CACNA2D1: variants seen among roughly 807,000 people sequenced by gnomAD.
CACNA2D1 encodes the protein calcium voltage-gated channel auxiliary subunit alpha2delta 1.
CACNA2D1 carries 53 observed loss-of-function variants against 171.5 expected under a neutral mutation model. That is an observed-to-expected ratio of 0.31 (90% CI 0.25 to 0.39). The LOEUF is 0.39. Among genes scored for constraint, CACNA2D1 ranks in the 10% least tolerant of loss-of-function variants. The pLI is 1.00. For synonymous variants in CACNA2D1, 442 were observed against 443.1 expected (o/e 1.00, Z 0.03); for missense variants, 903 against 1,299.8 (o/e 0.69, Z 4.69).
chr7:81,971,014 G>A (rs1022766962), intron 26 of CACNA2D1: 2 of 427,774 alleles, frequency 4.7e-6, no homozygotes, highest in African/African-American at 2.0e-5. Context: ...CACTTGTAGA[G>A]AGGAATGTAT....
intron 6 of CACNA2D1, among the ~76,000 whole-genome samples, chr7:82,094,044 G>A (rs1345965985): frequency 6.6e-6 from 1 of 152,056 alleles, no homozygotes; most frequent in African/African-American, 2.4e-5. Flanking sequence ...AGGCTCCTGG[G>A]GACAAGGGTG....
chr7:81,952,652 C>G (rs1199097336), intron 38 of CACNA2D1, among the ~76,000 whole-genome samples: 1 of 152,040 alleles, frequency 6.6e-6, no homozygotes, highest in Non-Finnish European at 1.5e-5. Context: ...CTCTCCTTGG[C>G]TTGACCTCCT....
chr7:82,064,216 C>G, intron 9 of CACNA2D1, 88 bp downstream of exon 9: 2 of 867,586 alleles, frequency 2.3e-6, no homozygotes, highest in Non-Finnish European at 3.8e-6. Context: ...TTTAACCTAT[C>G]AAACCTTTCT....
intron 3 of CACNA2D1, among the ~76,000 whole-genome samples, chr7:82,318,293 A>G (rs926197769): frequency 3.9e-5 from 6 of 152,134 alleles, no homozygotes; most frequent in African/African-American, 1.4e-4. Context: ...TATTCTAATT[A>G]ATTTTGATCT....
chr7:82,200,684 C>T (rs1799323358), intron 3 of CACNA2D1, among the ~76,000 whole-genome samples: 1 of 151,860 alleles, frequency 6.6e-6, no homozygotes, highest in South Asian at 2.1e-4. Flanking sequence ...ATTTTGTGAA[C>T]ACACCCTATT....
intron 4 of CACNA2D1, among the ~76,000 whole-genome samples, chr7:82,154,542 T>C (rs555436423): frequency 2.0e-5 from 3 of 152,244 alleles, no homozygotes; most frequent in South Asian, 2.1e-4. Flanking sequence ...CTATGACACA[T>C]GTATACCTAA....
intron 7 of CACNA2D1, among the ~76,000 whole-genome samples, chr7:82,078,187 G>A (rs1305036517): frequency 1.3e-5 from 2 of 152,014 alleles, no homozygotes; most frequent in Non-Finnish European, 2.9e-5. Flanking sequence ...TAACAAACGA[G>A]GCAGGGCAGA....
At chr7:82,057,352 A>T (rs1346192075) in intron 10 of CACNA2D1, among the ~76,000 whole-genome samples, 1 of 152,104 alleles carries the variant, frequency 6.6e-6, no homozygotes, top group African/African-American at 2.4e-5. Flanking sequence ...TCTTACTATA[A>T]TTAAAAGTGA....
At chr7:82,111,291 G>A (rs1373821474) in intron 6 of CACNA2D1, among the ~76,000 whole-genome samples, 1 of 59,720 alleles carries the variant, frequency 1.7e-5, no homozygotes, top group Non-Finnish European at 2.8e-5. Flanking sequence ...TATATGTCTG[G>A]GTATATATAT....
intron 6 of CACNA2D1, among the ~76,000 whole-genome samples, chr7:82,087,763 C>T (rs999321972): frequency 1.3e-5 from 2 of 152,148 alleles, no homozygotes; most frequent in South Asian, 4.1e-4. Flanking sequence ...AATTAAATAG[C>T]TCATCCAAGA....
intron 3 of CACNA2D1, among the ~76,000 whole-genome samples, chr7:82,325,371 T>C (rs984206064): frequency 3.3e-5 from 5 of 152,186 alleles, no homozygotes; most frequent in African/African-American, 7.2e-5. Flanking sequence ...TAGGTAGGTG[T>C]TACAAGCTGT....
intron 3 of CACNA2D1, among the ~76,000 whole-genome samples, chr7:82,330,073 AC>A (rs200268808): frequency 1.5e-5 from 1 of 68,494 alleles, no homozygotes; most frequent in African/African-American, 9.0e-5. Context: ...CCCACCCCCA[AC>A]AAAAAAAAAG....
chr7:82,258,148 G>C (rs189088022), intron 3 of CACNA2D1, among the ~76,000 whole-genome samples: 294 of 152,168 alleles, frequency 1.9e-3, no homozygotes, highest in African/African-American at 6.4e-3. Context: ...AGTTCAAAGA[G>C]GAAGGAATGA....
At chr7:82,121,346 C>T (rs1789711321) in intron 5 of CACNA2D1, among the ~76,000 whole-genome samples, 1 of 152,148 alleles carries the variant, frequency 6.6e-6, no homozygotes, top group African/African-American at 2.4e-5. Flanking sequence ...TGTGAGCCAC[C>T]ACGCCCATCT....
chr7:82,159,816 T>C (rs1794750267), intron 4 of CACNA2D1, among the ~76,000 whole-genome samples: 1 of 89,534 alleles, frequency 1.1e-5, no homozygotes, highest in African/African-American at 4.5e-5. Context: ...TAGGAAATCA[T>C]GCAAAATGAA....
rs1359863781 is a variant in CACNA2D1, at chr7:82,394,432, A to G, written c.96-44783T>C. Among the ~76,000 whole-genome samples, 3 of 152,284 alleles carry G rather than the reference A, an allele frequency of 2.0e-5. No individual in the cohort carries two copies. The East Asian group carries it at 5.8e-4, about 29-fold the overall frequency. On this transcript the variant is annotated intron_variant, in intron 1 of 38. Transcript: ENST00000356860. ...AAAATAAAAACCAAATTTTCTCTGT[A>G]TTAAATGAAATCTATCATCATAGAT...
At chr7:82,421,579 A>G (rs952071227) in intron 1 of CACNA2D1, among the ~76,000 whole-genome samples, 1 of 152,000 alleles carries the variant, frequency 6.6e-6, no homozygotes, top group Non-Finnish European at 1.5e-5. Context: ...GGGCACTGAT[A>G]CTCCAAAAAA....
chr7:82,163,958 G>A (rs980761861), intron 4 of CACNA2D1, among the ~76,000 whole-genome samples: 9 of 151,858 alleles, frequency 5.9e-5, no homozygotes, highest in African/African-American at 2.2e-4. Flanking sequence ...AGATCACAGA[G>A]CCAAGAGTTT....
rs181824803 is a variant in CACNA2D1, at chr7:82,385,128, T to G, written c.96-35479A>C. On this transcript the variant is annotated intron_variant, in intron 1 of 38. Coordinates refer to ENST00000356860, the MANE Select transcript of CACNA2D1 (RefSeq NM_000722.4). ...CTAAACTCCAGCCTTCCCTCTGGAT[T>G]GCAAGCTACTGGAGGAGCACGATTG... Among the ~76,000 whole-genome samples the G allele has an allele frequency of 2.2e-4, 34 of 152,304 alleles. No individual in the cohort carries two copies. The East Asian group carries it at 6.0e-3, about 27-fold the overall frequency.
Sources: allele counts gnomAD v4.1 joint callset (sites outside exome capture counted in the v4.1 genomes callset), GRCh38; gene constraint gnomAD v4.1.1; transcripts MANE v1.5; gene names NCBI Gene and HGNC (gene_info 2026-07-23, HGNC 2026-07-21).